SEMA3D: variants seen among roughly 807,000 people sequenced by gnomAD.
The protein encoded by SEMA3D is semaphorin 3D, also known as semaphorin-3D.
Under a neutral mutation model 100.1 loss-of-function variants are expected in SEMA3D, and 84 were observed. That is an observed-to-expected ratio of 0.84 (90% confidence interval 0.70 to 1.01). The LOEUF is 1.01. Ranked by LOEUF, SEMA3D falls within the 50% of genes least tolerant of loss-of-function variation. SEMA3D has a pLI of 0.00. For missense variants in SEMA3D, 875 were observed against 934.1 expected, an observed-to-expected ratio of 0.94 and a Z score of 0.82; for synonymous variants, 312 against 320.7, an observed-to-expected ratio of 0.97 and a Z score of 0.29.
chr7:85,192,731 C>T, the SEMA3D span, among the ~76,000 whole-genome samples: 939 of 152,134 alleles, frequency 6.2e-3, 11 homozygotes, highest in African/African-American at 0.022. Context: ...GAGTTTAGGA[C>T]TTTTAATTTC....
the SEMA3D span, among the ~76,000 whole-genome samples, chr7:85,246,569 CAAG>C: frequency 1.3e-5 from 2 of 151,830 alleles, no homozygotes; most frequent in African/African-American, 2.4e-5. Flanking sequence ...ATTAAAACCT[CAAG>C]GAGATAAATC....
chr7:85,145,993 G>A (rs922475108), intron 2 of SEMA3D, among the ~76,000 whole-genome samples: 1 of 152,122 alleles, frequency 6.6e-6, no homozygotes, highest in Admixed American at 6.6e-5. Context: ...GCAAATTTAA[G>A]TTTTGCTTTG....
At chr7:85,095,643 T>C (rs1229830337) in intron 4 of SEMA3D, among the ~76,000 whole-genome samples, 2 of 152,060 alleles carry the variant, frequency 1.3e-5, no homozygotes, top group Non-Finnish European at 2.9e-5. Context: ...GTGGAGTATC[T>C]TTAGCAATAG....
chr7:85,138,112 T>C (rs976543407), intron 2 of SEMA3D, among the ~76,000 whole-genome samples: 1 of 152,154 alleles, frequency 6.6e-6, no homozygotes, highest in African/African-American at 2.4e-5. Context: ...AGAAGCTGAA[T>C]GGGCTCAAAG....
chr7:85,194,521 T>A, the SEMA3D span, among the ~76,000 whole-genome samples: 312 of 152,338 alleles, frequency 2.0e-3, 1 homozygote, highest in African/African-American at 7.4e-3. Flanking sequence ...AATAGCTTCA[T>A]TGTTTTCAGG....
intron 4 of SEMA3D, among the ~76,000 whole-genome samples, chr7:85,091,153 G>GGAAGGAAGGAAGGAAGGAAA (rs1205530260): frequency 3.7e-5 from 5 of 136,028 alleles, no homozygotes; most frequent in Non-Finnish European, 7.7e-5. Flanking sequence ...AAGGAAGGAG[G>GGAAGGAAGGAAGGAAGGAAA]GAAGGAAGGA....
intron 12 of SEMA3D, among the ~76,000 whole-genome samples, chr7:85,027,091 A>C (rs1286104460): frequency 6.6e-6 from 1 of 152,198 alleles, no homozygotes; most frequent in Admixed American, 6.6e-5. Context: ...ATCAGAAACC[A>C]AGCTCAGGCA....
At chr7:85,050,120 C>CACACACACACAG (rs3220727) in intron 9 of SEMA3D, among the ~76,000 whole-genome samples, 2 of 139,728 alleles carry the variant, frequency 1.4e-5, no homozygotes, top group African/African-American at 5.4e-5. Context: ...CACACACACA[C>CACACACACACAG]AGAGACAGAG....
Position 85,150,346 on chromosome 7 carries a change from AATAT to A in SEMA3D, c.-41+3258_-41+3261del, listed in dbSNP as rs3078412. On this transcript the variant is annotated intron_variant, in intron 2 of 18. Transcript: ENST00000284136. ...TTTCTGTTCTAAATACTTTTCTAGA[AATAT>A]ATATATATATATATATATTATATAT... 5.7e-3 allele frequency among the ~76,000 whole-genome samples: 697 copies of A among 121,224 alleles called. 7 individuals are homozygous for A. The highest frequency in any genetic ancestry group is 0.021 in the African/African-American group (661 of 32,016). The allele number at this position is 121,224 out of a possible 152,430, so 79.5% of individuals were successfully genotyped here.
chr7:85,030,199 A>ATTT (rs34800712), intron 12 of SEMA3D, among the ~76,000 whole-genome samples: 126 of 147,706 alleles, frequency 8.5e-4, no homozygotes, highest in East Asian at 5.8e-3. Context: ...TTCACCACCT[A>ATTT]TTTTTTTTTT....
intron 2 of SEMA3D, among the ~76,000 whole-genome samples, chr7:85,137,762 A>C (rs772527909): frequency 3.3e-5 from 5 of 152,154 alleles, no homozygotes; most frequent in Non-Finnish European, 7.4e-5. Flanking sequence ...TACACAAATT[A>C]CTTTCCTTAT....
intron 4 of SEMA3D, among the ~76,000 whole-genome samples, chr7:85,084,360 T>C (rs549769968): frequency 1.1e-4 from 17 of 152,336 alleles, no homozygotes; most frequent in African/African-American, 4.1e-4. Flanking sequence ...TACATTGTTG[T>C]GCAGCCAATC....
chr7:85,169,416 C>A (rs1298352303), intron 1 of SEMA3D, among the ~76,000 whole-genome samples: 2 of 151,722 alleles, frequency 1.3e-5, no homozygotes, highest in Non-Finnish European at 3.0e-5. Context: ...GTATATTTTG[C>A]TCCTGACATT....
At position 85,022,448 on chromosome 7, in the gene SEMA3D, C is replaced by T. The variant is rs771780676; in HGVS notation, c.1357G>A (p.Val453Met). Residue 453 changes from valine to methionine, a missense_variant, in exon 13 of 19, where the codon GTG becomes ATG. Val to Met is a conservative substitution (Grantham distance 21). Transcript: ENST00000284136. The stretch of plus-strand genomic sequence containing the variant: ...TCTTCTGCAATGACATGATCCACCA[C>T]TATCTGTGTCAGTCTGTAATCCACA... ...INVDYRLTQIVVDHVIAEDGQ... is the reference protein window; with the variant it reads ...INVDYRLTQIMVDHVIAEDGQ... 1 of 1,612,566 alleles carries T rather than the reference C, an allele frequency of 6.2e-7. No individual in the cohort carries two copies. Among genetic ancestry groups the T allele is most frequent in the Non-Finnish European group, 8.5e-7 (1 of 1,178,956 alleles).
At chr7:85,141,692 A>G (rs921053362) in intron 2 of SEMA3D, 6 of 964,578 alleles carry the variant, frequency 6.2e-6, no homozygotes, top group Non-Finnish European at 6.2e-6. Context: ...GTACCAGTTT[A>G]CCTAAATTAA....
chr7:85,233,474 T>C, the SEMA3D span, among the ~76,000 whole-genome samples: 1 of 152,190 alleles, frequency 6.6e-6, no homozygotes, highest in Non-Finnish European at 1.5e-5. Context: ...ACTGCACATA[T>C]GTGATTAGGC....
At chr7:85,045,495 A>G (rs764382235) in intron 9 of SEMA3D, among the ~76,000 whole-genome samples, 13 of 151,966 alleles carry the variant, frequency 8.6e-5, no homozygotes, top group Non-Finnish European at 1.8e-4. Flanking sequence ...TATTTTATAT[A>G]CGATGCCTTT....
At chr7:85,016,113 T>C (rs1352111633) in intron 15 of SEMA3D, among the ~76,000 whole-genome samples, 2 of 151,832 alleles carry the variant, frequency 1.3e-5, no homozygotes, top group African/African-American at 2.4e-5. Context: ...TTAAATGCAA[T>C]GAACACTGTT....
At chr7:85,201,969 C>A in the SEMA3D span, among the ~76,000 whole-genome samples, 6,191 of 151,876 alleles carry the variant, frequency 0.041, 575 homozygotes, top group East Asian at 0.3. Context: ...ACCCTCTCAC[C>A]TCATCATCTC....
Sources: allele counts gnomAD v4.1 joint callset (sites outside exome capture counted in the v4.1 genomes callset), GRCh38; gene constraint gnomAD v4.1.1; transcripts MANE v1.5; gene names NCBI Gene and HGNC (gene_info 2026-07-23, HGNC 2026-07-21).